The following PHACTR1 variants were observed in gnomAD, a reference collection of about 807,000 sequenced individuals.
The protein encoded by PHACTR1 is phosphatase and actin regulator 1.
A neutral mutation model predicts 69.2 loss-of-function variants in PHACTR1; 16 were observed. The observed-to-expected ratio is 0.23, with a 90% CI of 0.16 to 0.35. PHACTR1 has a LOEUF of 0.35. Among genes scored for constraint, PHACTR1 ranks in the 10% least tolerant of loss-of-function variants. The pLI is 1.00. For synonymous variants in PHACTR1, 312 were observed against 284.5 expected (o/e 1.10, Z -0.97); for missense variants, 510 against 734.7 (o/e 0.69, Z 3.54).
chr6:13,063,619 A>T (rs1808039276), intron 5 of PHACTR1, among the ~76,000 whole-genome samples: 1 of 152,000 alleles, frequency 6.6e-6, no homozygotes, highest in Non-Finnish European at 1.5e-5. Context: ...ACAAAAAAAA[A>T]AAAATTAAAA....
chr6:13,283,541 C>T lies in PHACTR1; in HGVS notation c.1629C>T (p.Thr543=). 6.2e-7 allele frequency: 1 copy of T among 1,613,854 alleles called. No homozygotes were observed. The highest frequency in any genetic ancestry group is 1.1e-5 in the South Asian group (1 of 91,080). ...ACCGCAGGGCAGATAAGCCGTGGAC[C>T]CGCCTCACCGCTGCAGACAAAGTAA... The part of the protein sequence containing the change: ...DYDRRADKPW[T]RLTAADKAAI... Residue 543 remains threonine (T), a synonymous_variant, in exon 13 of 15, where the codon ACC becomes ACT. Coordinates refer to ENST00000332995, the MANE Select transcript of PHACTR1 (RefSeq NM_030948.6). This position sits in a 1 kb window ranked among gnomAD's most constrained non-coding sequence, Gnocchi z 4.7.
rs1008587465 is a variant in PHACTR1, at chr6:13,076,667, T to C, written c.415+23138T>C. Reference sequence around the variant, plus strand: ...GGCCCAGTTGGAGCTGGAGTGGAGATGGCAACAGAGCTCTGAGAAGCAAAC... The same window carrying C: ...GGCCCAGTTGGAGCTGGAGTGGAGACGGCAACAGAGCTCTGAGAAGCAAAC... On this transcript the variant is annotated intron_variant, in intron 5 of 14. Transcript: ENST00000332995. Among the ~76,000 whole-genome samples the C allele has an allele frequency of 3.3e-5, 5 of 151,946 alleles. No homozygotes were observed. In the South Asian group the frequency reaches 1.0e-3, roughly 32 times the overall value.
intron 6 of PHACTR1, among the ~76,000 whole-genome samples, chr6:13,164,217 T>G (rs1464882174): frequency 2.6e-5 from 4 of 152,188 alleles, no homozygotes; most frequent in Non-Finnish European, 5.9e-5. Context: ...AATATCATTC[T>G]TTTTCCTGTA....
intron 4 of PHACTR1, among the ~76,000 whole-genome samples, chr6:12,908,921 T>C (rs1402507667): frequency 2.0e-5 from 3 of 152,176 alleles, no homozygotes; most frequent in Admixed American, 6.5e-5. Flanking sequence ...AGCCTAGAAA[T>C]GATACCGTCA....
intron 8 of PHACTR1, among the ~76,000 whole-genome samples, chr6:13,211,593 A>G (rs973566938): frequency 5.9e-5 from 9 of 152,192 alleles, no homozygotes; most frequent in Non-Finnish European, 1.2e-4. Flanking sequence ...ATTAAAGGCA[A>G]CTTCACACTT....
chr6:12,798,234 G>C (rs1436127561), intron 4 of PHACTR1, among the ~76,000 whole-genome samples: 1 of 152,214 alleles, frequency 6.6e-6, no homozygotes, highest in African/African-American at 2.4e-5. Flanking sequence ...GAAAAAGAAA[G>C]GAAGCTTTCA....
chr6:12,894,417 C>T (rs1258252261), intron 4 of PHACTR1, among the ~76,000 whole-genome samples: 1 of 152,158 alleles, frequency 6.6e-6, no homozygotes, highest in Non-Finnish European at 1.5e-5. Flanking sequence ...CCAGCCTGGC[C>T]AACATGGCAA....
intron 4 of PHACTR1, among the ~76,000 whole-genome samples, chr6:12,829,065 A>G (rs968506922): frequency 1.3e-5 from 2 of 152,194 alleles, no homozygotes; most frequent in African/African-American, 2.4e-5. Flanking sequence ...TCCGTACCCC[A>G]TAAATGTGTG....
At chr6:13,078,300 C>CGAGG (rs1810856122) in intron 5 of PHACTR1, among the ~76,000 whole-genome samples, 1 of 152,180 alleles carries the variant, frequency 6.6e-6, no homozygotes, top group African/African-American at 2.4e-5. Flanking sequence ...ACATGGCATT[C>CGAGG]TCCCTGTGTG....
At chr6:13,063,762 G>A (rs1217811954) in intron 5 of PHACTR1, among the ~76,000 whole-genome samples, 2 of 151,726 alleles carry the variant, frequency 1.3e-5, no homozygotes, top group Non-Finnish European at 2.9e-5. Context: ...CCTGGGCAAT[G>A]GAGTGAGACC....
chr6:13,217,216 C>T (rs1767813684), intron 8 of PHACTR1, among the ~76,000 whole-genome samples: 1 of 152,180 alleles, frequency 6.6e-6, no homozygotes, highest in South Asian at 2.1e-4. Flanking sequence ...CACACTGCAC[C>T]AGCATTGTCT....
chr6:13,094,578 T>A (rs1246398860), intron 5 of PHACTR1, among the ~76,000 whole-genome samples: 3 of 152,086 alleles, frequency 2.0e-5, no homozygotes, highest in Non-Finnish European at 4.4e-5. Flanking sequence ...ATTACAGGCA[T>A]GAACCACTGC....
At chr6:12,826,127 G>T (rs973212445) in intron 4 of PHACTR1, among the ~76,000 whole-genome samples, 1 of 152,128 alleles carries the variant, frequency 6.6e-6, no homozygotes, top group African/African-American at 2.4e-5. Context: ...GCAGACATTT[G>T]GCTGAGTGAC....
chr6:13,074,354 G>A (rs1810064734), intron 5 of PHACTR1, among the ~76,000 whole-genome samples: 1 of 152,122 alleles, frequency 6.6e-6, no homozygotes, highest in Non-Finnish European at 1.5e-5. Flanking sequence ...ATAAGAAATC[G>A]ATAACGACAC....
chr6:12,835,256 G>A (rs1778031305), intron 4 of PHACTR1, among the ~76,000 whole-genome samples: 2 of 150,190 alleles, frequency 1.3e-5, no homozygotes, highest in Non-Finnish European at 3.0e-5. Flanking sequence ...TTCCAGCAGT[G>A]AGAAAAATGT....
intron 5 of PHACTR1, among the ~76,000 whole-genome samples, chr6:13,068,210 C>T (rs948614652): frequency 3.3e-5 from 5 of 152,024 alleles, no homozygotes; most frequent in East Asian, 1.9e-4. Flanking sequence ...CCACCTACTC[C>T]GGAGGCTGAG....
At chr6:13,158,367 C>T (rs1241618248) in intron 5 of PHACTR1, among the ~76,000 whole-genome samples, 1 of 152,282 alleles carries the variant, frequency 6.6e-6, no homozygotes, top group Middle Eastern at 3.4e-3. Context: ...TTCCATGTTT[C>T]CTGCACCCAG....
In PHACTR1 at chr6:12,764,627, A is replaced by C. The variant is rs1487763810; in HGVS notation, c.250+14837A>C. On this transcript the variant is annotated intron_variant, in intron 4 of 14. Transcript: ENST00000332995. ...GGCTTAGGTTCTCATAACTTCTTTC[A>C]TTACTTTCCTGGCCCTGCCTAGGAT... Among the ~76,000 whole-genome samples, 5 of 152,092 alleles carry C rather than the reference A, an allele frequency of 3.3e-5. No homozygotes were observed. The East Asian group carries it at 9.6e-4, about 29-fold the overall frequency.
intron 4 of PHACTR1, among the ~76,000 whole-genome samples, chr6:12,955,212 T>TTTTTTA (rs1491549134): frequency 7.0e-6 from 1 of 143,414 alleles, no homozygotes; most frequent in African/African-American, 2.8e-5. Flanking sequence ...TTTTTTTTTT[T>TTTTTTA]GAGAGAGATA....
Sources: allele counts gnomAD v4.1 joint callset (sites outside exome capture counted in the v4.1 genomes callset), GRCh38; gene constraint gnomAD v4.1.1; non-coding constraint Gnocchi (gnomAD v3.1); transcripts MANE v1.5; gene names NCBI Gene and HGNC (gene_info 2026-07-23, HGNC 2026-07-21).